Variants in PPP6R2 observed in about 807,000 individuals in gnomAD.
PPP6R2 encodes serine/threonine-protein phosphatase 6 regulatory subunit 2.
PPP6R2 carries 62 observed loss-of-function variants against 100.2 expected under a neutral mutation model. The ratio of observed to expected loss-of-function variants is 0.62; its 90% CI spans 0.50 to 0.76. The LOEUF is 0.76. Ranked by LOEUF, PPP6R2 falls within the 30% of genes least tolerant of loss-of-function variation. PPP6R2 has a pLI of 0.00. For synonymous variants in PPP6R2, 525 were observed against 514.7 expected (o/e 1.02, Z -0.27); for missense variants, 1,142 against 1,276.3 (o/e 0.89, Z 1.60).
intron 5 of PPP6R2, among the ~76,000 whole-genome samples, chr22:50,415,213 G>A (rs1437563440): frequency 2.0e-5 from 3 of 152,206 alleles, no homozygotes; most frequent in Non-Finnish European, 4.4e-5. Flanking sequence ...CAGGAAATCC[G>A]TGCTGACAAA....
intron 4 of PPP6R2, 51 bp downstream of exon 4, chr22:50,406,926 C>T: frequency 6.5e-7 from 1 of 1,537,068 alleles, no homozygotes; most frequent in Non-Finnish European, 9.0e-7. Context: ...ATGGTGGATG[C>T]TGACGTGTCC....
intron 2 of PPP6R2, among the ~76,000 whole-genome samples, chr22:50,386,571 G>T (rs140787880): frequency 1.3e-5 from 2 of 152,184 alleles, no homozygotes; most frequent in African/African-American, 4.8e-5. Context: ...AAGAACAGTG[G>T]CTTGAGCAAG....
intron 1 of PPP6R2, among the ~76,000 whole-genome samples, chr22:50,353,560 C>T (rs1018284755): frequency 1.3e-5 from 2 of 151,994 alleles, no homozygotes; most frequent in Non-Finnish European, 2.9e-5. Context: ...TGAGAATTAC[C>T]AGAATGCAAC....
intron 1 of PPP6R2, among the ~76,000 whole-genome samples, chr22:50,364,759 C>T (rs1602362243): frequency 6.6e-6 from 1 of 152,080 alleles, no homozygotes; most frequent in Non-Finnish European, 1.5e-5. Flanking sequence ...GGGAGACACT[C>T]AGCATATTTA....
At chr22:50,427,717 TTTTTG>T (rs1465344225) in intron 10 of PPP6R2, among the ~76,000 whole-genome samples, 1 of 146,610 alleles carries the variant, frequency 6.8e-6, no homozygotes, top group African/African-American at 2.5e-5. Context: ...CACAAAATAA[TTTTTG>T]TTTTGTTTTG....
intron 1 of PPP6R2, among the ~76,000 whole-genome samples, chr22:50,367,731 A>C (rs1351686493): frequency 6.6e-6 from 1 of 152,196 alleles, no homozygotes; most frequent in African/African-American, 2.4e-5. Context: ...TTTTTGAGAC[A>C]GTGTAGGGTC....
At position 50,440,986 on chromosome 22, in the gene PPP6R2, C is replaced by G. The variant is rs1442425355; in HGVS notation, c.2539C>G (p.Pro847Ala). ...VSRGPGREAPPLPTVARTEEA... is the reference protein window; with the variant it reads ...VSRGPGREAPALPTVARTEEA... The stretch of plus-strand genomic sequence containing the variant: ...CAGGGGTCCCGGCCGGGAGGCCCCC[C>G]CGCTGCCCACAGTGGCCAGGACAGA... Residue 847 changes from proline to alanine, a missense_variant, in exon 22 of 24, where the codon CCG (proline) becomes GCG (alanine). Physicochemically the swap from Pro to Ala is conservative, Grantham distance 27. Transcript: ENST00000612753. 3 of 1,610,168 alleles carry G rather than the reference C, an allele frequency of 1.9e-6. No individual in the cohort carries two copies. Among genetic ancestry groups the G allele is most frequent in the Non-Finnish European group, 2.5e-6 (3 of 1,178,172 alleles).
intron 1 of PPP6R2, among the ~76,000 whole-genome samples, chr22:50,371,215 G>A (rs1053684025): frequency 1.3e-5 from 2 of 152,154 alleles, no homozygotes; most frequent in Non-Finnish European, 2.9e-5. Context: ...ATATAGCCAG[G>A]CACAGTGGTT....
chr22:50,416,829 G>A (rs1013939007), intron 6 of PPP6R2, among the ~76,000 whole-genome samples: 1 of 151,684 alleles, frequency 6.6e-6, no homozygotes, highest in African/African-American at 2.4e-5. Flanking sequence ...GGTGTCAGGT[G>A]CCTGTAATCC....
chr22:50,432,806 C>T (rs767711964), intron 12 of PPP6R2, among the ~76,000 whole-genome samples: 6 of 152,240 alleles, frequency 3.9e-5, no homozygotes, highest in Admixed American at 2.6e-4. Context: ...TGGGAACTGT[C>T]TGGCTCTGGG....
At chr22:50,364,715 T>C (rs1289440492) in intron 1 of PPP6R2, among the ~76,000 whole-genome samples, 2 of 152,106 alleles carry the variant, frequency 1.3e-5, no homozygotes, top group Non-Finnish European at 2.9e-5. Context: ...GGCATTCCAG[T>C]CAGAGGGTCT....
intron 22 of PPP6R2, among the ~76,000 whole-genome samples, chr22:50,442,232 C>G (rs563951185): frequency 1.3e-5 from 2 of 152,334 alleles, no homozygotes; most frequent in East Asian, 3.9e-4. Context: ...GCTCACTGAC[C>G]CCCGGCAATC....
At chr22:50,399,225 A>T (rs1456793699) in intron 3 of PPP6R2, among the ~76,000 whole-genome samples, 1 of 152,216 alleles carries the variant, frequency 6.6e-6, no homozygotes, top group Non-Finnish European at 1.5e-5. Flanking sequence ...GATGGAGAAG[A>T]TATAAATATA....
intron 1 of PPP6R2, among the ~76,000 whole-genome samples, chr22:50,359,540 GAA>G (rs1164456862): frequency 6.6e-6 from 1 of 151,692 alleles, no homozygotes. Flanking sequence ...TTTTTATGAT[GAA>G]AAAGGTTTAT....
rs931774396 is a variant in PPP6R2, at chr22:50,361,149, G to A, written c.-147-10871G>A. ...TGTGATGCCCTTCCTGGACTAGTTC[G>A]GTCCTGGGTAGTGCCTTCCTGTCAT... On this transcript the variant is annotated intron_variant, in intron 1 of 23. Transcript: ENST00000612753. 1.1e-4 allele frequency among the ~76,000 whole-genome samples: 16 copies of A among 152,052 alleles called. No individual in the cohort carries two copies. In the South Asian group the frequency reaches 1.2e-3, roughly 12 times the overall value.
intron 1 of PPP6R2, among the ~76,000 whole-genome samples, chr22:50,350,630 G>A (rs1319924797): frequency 6.6e-6 from 1 of 151,798 alleles, no homozygotes; most frequent in Non-Finnish European, 1.5e-5. Context: ...CAGATCACGA[G>A]GTCAGGAGAT....
intron 3 of PPP6R2, among the ~76,000 whole-genome samples, chr22:50,402,283 G>C (rs148143473): frequency 4.3e-4 from 65 of 150,960 alleles, no homozygotes; most frequent in African/African-American, 1.5e-3. Flanking sequence ...GGACCTGTCA[G>C]TATCAGGAGC....
intron 12 of PPP6R2, among the ~76,000 whole-genome samples, chr22:50,433,365 CT>C: frequency 2.3e-5 from 2 of 86,924 alleles, no homozygotes; most frequent in Admixed American, 1.2e-4. Flanking sequence ...GGCGCGGACG[CT>C]GGGCAGGGGC....
rs1267129528 is a variant in PPP6R2, at chr22:50,362,935, G to A, written c.-147-9085G>A. ...GGCCGCCTAAGCATACGAAGACACC[G>A]GGTCAGTGGAGGGCAAGAAGGTGGC... On this transcript the variant is annotated intron_variant, in intron 1 of 23. Transcript: ENST00000612753. Among the ~76,000 whole-genome samples the A allele has an allele frequency of 2.6e-5, 4 of 152,164 alleles. No homozygotes were observed. In the East Asian group the frequency reaches 5.8e-4, roughly 22 times the overall value.
Sources: gnomAD v4.1 joint callset for allele counts (sites outside exome capture counted in the v4.1 genomes callset) on GRCh38, gnomAD v4.1.1 for gene constraint, MANE v1.5 for transcripts, NCBI Gene and HGNC (gene_info 2026-07-23, HGNC 2026-07-21) for gene names.